The following OPRD1 variants were observed in gnomAD, a reference collection of about 807,000 sequenced individuals.
The protein encoded by OPRD1 is delta-type opioid receptor.
In OPRD1, 19 loss-of-function variants were observed where a neutral mutation model predicts 17.5. The observed-to-expected ratio is 1.09, with a 90% CI of 0.76 to 1.60. The LOEUF (loss-of-function observed/expected upper bound fraction) is 1.60. Among genes scored for constraint, OPRD1 ranks in the 40% most tolerant of loss-of-function variants. The pLI is 0.00. For synonymous variants in OPRD1, 256 were observed against 240.9 expected (o/e 1.06, Z -0.58); for missense variants, 483 against 547.2 (o/e 0.88, Z 1.17).
chr1:28,835,219 A>G (rs888714691), intron 1 of OPRD1, among the ~76,000 whole-genome samples: 6 of 152,160 alleles, frequency 3.9e-5, no homozygotes, highest in Admixed American at 3.9e-4. Flanking sequence ...TCCCTGGTCC[A>G]GCCACCCCTA....
chr1:28,818,073 A>G (rs1324030285), intron 1 of OPRD1, among the ~76,000 whole-genome samples: 1 of 152,158 alleles, frequency 6.6e-6, no homozygotes, highest in South Asian at 2.1e-4. Flanking sequence ...GGAGGACTCA[A>G]AGAGATCGAG....
intron 1 of OPRD1, among the ~76,000 whole-genome samples, chr1:28,821,317 G>A (rs1364071464): frequency 6.6e-6 from 1 of 152,042 alleles, no homozygotes; most frequent in Non-Finnish European, 1.5e-5. Flanking sequence ...TGGCCAGGCT[G>A]GTCTTGAACT....
At chr1:28,857,266 C>A (rs1245770603) in intron 1 of OPRD1, among the ~76,000 whole-genome samples, 2 of 152,144 alleles carry the variant, frequency 1.3e-5, no homozygotes, top group African/African-American at 4.8e-5. Flanking sequence ...GAGGTTGCTA[C>A]AAACATTACC....
rs985301079 is a variant in OPRD1 at position 28,822,668 on chromosome 1, T to C, written c.227+10058T>C. Reference sequence around the variant, plus strand: ...GGTTAATTTTTTTTTTTTTGTATTTTTAATAGAAACGGGGTTTCACCATGT... The same window carrying C: ...GGTTAATTTTTTTTTTTTTGTATTTCTAATAGAAACGGGGTTTCACCATGT... On this transcript the variant is annotated intron_variant, in intron 1 of 2. Coordinates refer to ENST00000234961, the MANE Select transcript of OPRD1 (RefSeq NM_000911.4). 3.3e-5 allele frequency among the ~76,000 whole-genome samples: 5 copies of C among 151,890 alleles called. No individual in the cohort carries two copies. In the East Asian group the frequency reaches 9.6e-4, roughly 29 times the overall value.
intron 1 of OPRD1, among the ~76,000 whole-genome samples, chr1:28,812,969 G>A (rs2088645404): frequency 6.6e-6 from 1 of 152,166 alleles, no homozygotes; most frequent in Non-Finnish European, 1.5e-5. Context: ...TTTGGACGTC[G>A]GAAACATGCC....
chr1:28,869,732 T>A lies in OPRD1; in HGVS notation c.*6449T>A, dbSNP rs2089200871. On this transcript the variant is annotated 3_prime_UTR_variant, in exon 3 of 3. Transcript: ENST00000234961. ...GCACCCTGAGAGGAAATGCTCTGAG[T>A]ATACCGAGGGTCCTCAGGAGACTCT... The A allele has an allele frequency of 6.6e-6, 1 of 152,174 alleles. No homozygotes were observed. Among genetic ancestry groups the A allele is most frequent in the Non-Finnish European group, 1.5e-5 (1 of 68,088 alleles). 9.4% of individuals were successfully genotyped at this position (152,174 alleles called of 1,614,324 possible). A position where few individuals can be genotyped will look rare whatever the true frequency, so the allele number is the denominator to read the frequency against.
At chr1:28,842,621 C>T (rs1324068860) in intron 1 of OPRD1, among the ~76,000 whole-genome samples, 1 of 151,984 alleles carries the variant, frequency 6.6e-6, no homozygotes, top group African/African-American at 2.4e-5. Flanking sequence ...CGCATAGCCA[C>T]TCAGTGCTTG....
chr1:28,846,887 T>TTTCTTTCC (rs2088956066), intron 1 of OPRD1, among the ~76,000 whole-genome samples: 1 of 55,990 alleles, frequency 1.8e-5, no homozygotes. Context: ...TCTTTCTTTC[T>TTTCTTTCC]TTCTTTTCTC....
chr1:28,854,178 C>T (rs933175936), intron 1 of OPRD1, among the ~76,000 whole-genome samples: 7 of 152,080 alleles, frequency 4.6e-5, no homozygotes, highest in African/African-American at 7.2e-5. Context: ...TGGCCAGACC[C>T]GGGATGGCAC....
In OPRD1 at chr1:28,866,594, G is replaced by A. The variant is rs2089177066; in HGVS notation, c.*3311G>A. On this transcript the variant is annotated 3_prime_UTR_variant, in exon 3 of 3. Transcript: ENST00000234961. ...TCAGGCTACTTGCTCCTAAGTCACAGGGCCTGTTCGTAGTGGCAGAACTTG... is the reference window on the plus strand; with the variant it reads ...TCAGGCTACTTGCTCCTAAGTCACAAGGCCTGTTCGTAGTGGCAGAACTTG... 1 of 152,172 alleles carries A rather than the reference G, an allele frequency of 6.6e-6. No individual in the cohort carries two copies. Among genetic ancestry groups the A allele is most frequent in the Non-Finnish European group, 1.5e-5 (1 of 68,038 alleles). 9.4% of individuals were successfully genotyped at this position (152,172 alleles called of 1,614,324 possible). A position where few individuals can be genotyped will look rare whatever the true frequency, so the allele number is the denominator to read the frequency against.
chr1:28,831,935 A>G (rs1240142068), intron 1 of OPRD1, among the ~76,000 whole-genome samples: 1 of 152,162 alleles, frequency 6.6e-6, no homozygotes, highest in Non-Finnish European at 1.5e-5. Flanking sequence ...CAGCTCTATG[A>G]GTTTAGTACC....
chr1:28,846,897 CTT>C (rs2088957084), intron 1 of OPRD1, among the ~76,000 whole-genome samples: 1 of 126,450 alleles, frequency 7.9e-6, no homozygotes, highest in African/African-American at 2.9e-5. Context: ...TTTCTTTTCT[CTT>C]TCTTTCTTTT....
chr1:28,841,807 G>A (rs1415174241), intron 1 of OPRD1, among the ~76,000 whole-genome samples: 5 of 150,038 alleles, frequency 3.3e-5, no homozygotes, highest in South Asian at 2.1e-4. Context: ...TCCGCCTCCC[G>A]GGTTCAAGCG....
chr1:28,857,061 A>G (rs183434076), intron 1 of OPRD1, among the ~76,000 whole-genome samples: 2 of 152,158 alleles, frequency 1.3e-5, no homozygotes, highest in Admixed American at 1.3e-4. Context: ...TCCCTTCCTC[A>G]GAGTTGACCA....
chr1:28,823,274 G>C (rs752814196), intron 1 of OPRD1, among the ~76,000 whole-genome samples: 7 of 139,866 alleles, frequency 5.0e-5, no homozygotes, highest in Non-Finnish European at 1.1e-4. Context: ...TCGGCTCACT[G>C]CACCTTCCAC....
chr1:28,848,277 A>G (rs904722826), intron 1 of OPRD1, among the ~76,000 whole-genome samples: 9 of 151,994 alleles, frequency 5.9e-5, no homozygotes, highest in Non-Finnish European at 1.2e-4. Context: ...AGAAACCCCA[A>G]TACCATCACG....
At chr1:28,829,067 G>T (rs1261097210) in intron 1 of OPRD1, among the ~76,000 whole-genome samples, 2 of 151,782 alleles carry the variant, frequency 1.3e-5, no homozygotes, top group African/African-American at 4.8e-5. Flanking sequence ...CTTCTCTCTA[G>T]GAATGAGAGT....
At chr1:28,857,874 C>CA (rs1272529345) in intron 1 of OPRD1, among the ~76,000 whole-genome samples, 22 of 151,844 alleles carry the variant, frequency 1.4e-4, no homozygotes, top group African/African-American at 4.8e-4. Context: ...CTCACTGCAA[C>CA]CTCTGCCTCC....
chr1:28,853,385 C>T (rs2089024868), intron 1 of OPRD1, among the ~76,000 whole-genome samples: 2 of 152,192 alleles, frequency 1.3e-5, no homozygotes, highest in African/African-American at 4.8e-5. Context: ...CTGGAATGGC[C>T]TCTTGGAATT....
Sources: allele counts gnomAD v4.1 joint callset (sites outside exome capture counted in the v4.1 genomes callset), GRCh38; gene constraint gnomAD v4.1.1; transcripts MANE v1.5; gene names NCBI Gene and HGNC (gene_info 2026-07-23, HGNC 2026-07-21).